The following KCNIP4 variants were observed in gnomAD, a reference collection of about 807,000 sequenced individuals.
The protein encoded by KCNIP4 is Kv channel-interacting protein 4.
A neutral mutation model predicts 34.0 loss-of-function variants in KCNIP4; 12 were observed. The observed-to-expected ratio is 0.35, with a 90% CI of 0.23 to 0.57. The LOEUF is 0.57. Among genes scored for constraint, KCNIP4 ranks in the 20% least tolerant of loss-of-function variants. KCNIP4 has a pLI of 0.83. For missense variants in KCNIP4, 238 were observed against 311.7 expected (o/e 0.76, Z 1.78); for synonymous variants, 124 against 102.2 (o/e 1.21, Z -1.29).
intron 1 of KCNIP4, chr4:21,697,701 C>A: frequency 8.1e-7 from 1 of 1,236,164 alleles, no homozygotes; most frequent in Admixed American, 4.5e-5. Context: ...TCTGTGGCAA[C>A]AGACAGGCTG....
intron 1 of KCNIP4, among the ~76,000 whole-genome samples, chr4:21,425,785 C>A (rs1429101520): frequency 6.6e-6 from 1 of 152,136 alleles, no homozygotes; most frequent in Non-Finnish European, 1.5e-5. Flanking sequence ...CATGGTGACT[C>A]CCGTCTGTAA....
intron 2 of KCNIP4, among the ~76,000 whole-genome samples, chr4:20,861,324 C>T (rs1722172077): frequency 1.3e-5 from 2 of 152,118 alleles, no homozygotes; most frequent in South Asian, 4.1e-4. Flanking sequence ...TACTATTCAC[C>T]CATCCACCTA....
intron 1 of KCNIP4, among the ~76,000 whole-genome samples, chr4:21,761,383 T>C (rs562170299): frequency 6.6e-6 from 1 of 152,262 alleles, no homozygotes; most frequent in South Asian, 2.1e-4. Flanking sequence ...ATTCAAATAA[T>C]CTAAAATTTG....
At chr4:21,438,959 G>A (rs974824424) in intron 1 of KCNIP4, among the ~76,000 whole-genome samples, 1 of 152,014 alleles carries the variant, frequency 6.6e-6, no homozygotes, top group Non-Finnish European at 1.5e-5. Context: ...TCAGGAGATC[G>A]AGACCATCCT....
chr4:21,139,320 G>C (rs1171381889), intron 1 of KCNIP4, among the ~76,000 whole-genome samples: 1 of 152,206 alleles, frequency 6.6e-6, no homozygotes, highest in East Asian at 1.9e-4. Context: ...GTAAACAAAA[G>C]TAAGCACCTC....
chr4:21,750,655 C>T (rs1717093118), intron 1 of KCNIP4, among the ~76,000 whole-genome samples: 1 of 152,156 alleles, frequency 6.6e-6, no homozygotes, highest in Admixed American at 6.6e-5. Flanking sequence ...TATATATCAT[C>T]CTAATCTAAT....
At chr4:20,732,543 T>A (rs1748573753) in intron 7 of KCNIP4, 138 bp downstream of exon 7, 4 of 665,750 alleles carry the variant, frequency 6.0e-6, no homozygotes, top group Non-Finnish European at 1.1e-5. Flanking sequence ...GCTATTAAAT[T>A]AATAGGATGC....
At chr4:21,574,709 C>G (rs1251386180) in intron 1 of KCNIP4, among the ~76,000 whole-genome samples, 2 of 151,986 alleles carry the variant, frequency 1.3e-5, no homozygotes, top group Admixed American at 6.6e-5. Flanking sequence ...TAATATGAAC[C>G]AAGACTAACA....
At chr4:21,405,889 G>T (rs368256472) in intron 1 of KCNIP4, among the ~76,000 whole-genome samples, 3 of 152,180 alleles carry the variant, frequency 2.0e-5, no homozygotes, top group East Asian at 1.9e-4. Context: ...ATGCTAGAGC[G>T]CAATGGCGCG....
At chr4:21,824,669 G>A (rs1250099611) in intron 1 of KCNIP4, among the ~76,000 whole-genome samples, 1 of 152,096 alleles carries the variant, frequency 6.6e-6, no homozygotes, top group African/African-American at 2.4e-5. Context: ...AGTCTTATTT[G>A]AGTAATAAAA....
intron 1 of KCNIP4, among the ~76,000 whole-genome samples, chr4:20,997,304 C>A (rs1249049587): frequency 6.6e-6 from 1 of 152,094 alleles, no homozygotes; most frequent in East Asian, 1.9e-4. Context: ...TATCAGTGGG[C>A]AGAAAGGGAC....
intron 1 of KCNIP4, among the ~76,000 whole-genome samples, chr4:20,914,091 AG>A (rs1728584348): frequency 3.3e-5 from 5 of 151,936 alleles, no homozygotes; most frequent in Admixed American, 3.3e-4. Context: ...CGGGAGGAGG[AG>A]GTTGCAGTCA....
intron 1 of KCNIP4, among the ~76,000 whole-genome samples, chr4:21,910,200 G>A (rs993741963): frequency 1.3e-5 from 2 of 152,026 alleles, no homozygotes; most frequent in Non-Finnish European, 2.9e-5. Flanking sequence ...ATGAGGTCAG[G>A]TAATATCCAA....
chr4:21,166,468 T>C (rs1006278503), intron 1 of KCNIP4, among the ~76,000 whole-genome samples: 65 of 152,142 alleles, frequency 4.3e-4, no homozygotes, highest in African/African-American at 1.6e-3. Flanking sequence ...GGTAAAGTAG[T>C]TTATCTGTCT....
In KCNIP4 at chr4:21,619,323, T is replaced by A. The variant is rs530431231; in HGVS notation, c.61+329248A>T. On this transcript the variant is annotated intron_variant, in intron 1 of 8. Coordinates refer to ENST00000382152, the MANE Select transcript of KCNIP4 (RefSeq NM_025221.6). ...ATGATTATCAACTGAAATATTTGAA[T>A]GTAGAAATAGCTTTTTAAAAAATTA... Among the ~76,000 whole-genome samples the A allele has an allele frequency of 8.2e-4, 125 of 152,342 alleles. 1 individual carries two copies. The highest frequency in any genetic ancestry group is 3.4e-3 in the Middle Eastern group (1 of 294).
At chr4:21,879,050 C>G (rs1038079265) in intron 1 of KCNIP4, among the ~76,000 whole-genome samples, 1 of 152,122 alleles carries the variant, frequency 6.6e-6, no homozygotes, top group African/African-American at 2.4e-5. Flanking sequence ...GTGCTGCCTA[C>G]ATTTTTGGGT....
chr4:21,762,818 G>A (rs899564025), intron 1 of KCNIP4: 6 of 682,442 alleles, frequency 8.8e-6, no homozygotes, highest in Middle Eastern at 5.8e-4. Context: ...CTGAATAAAT[G>A]TTCACATGAA....
At chr4:21,229,955 T>C (rs1008659755) in intron 1 of KCNIP4, among the ~76,000 whole-genome samples, 2 of 152,178 alleles carry the variant, frequency 1.3e-5, no homozygotes, top group Admixed American at 6.5e-5. Context: ...TTGGGTTAAA[T>C]AGTGTCCACC....
intron 1 of KCNIP4, among the ~76,000 whole-genome samples, chr4:20,950,140 A>AT (rs1361882847): frequency 2.6e-5 from 4 of 151,296 alleles, no homozygotes; most frequent in African/African-American, 9.7e-5. Context: ...TTAAAAAAAA[A>AT]AAAAAGAAAA....
Sources: allele counts gnomAD v4.1 joint callset (sites outside exome capture counted in the v4.1 genomes callset), GRCh38; gene constraint gnomAD v4.1.1; transcripts MANE v1.5; gene names NCBI Gene and HGNC (gene_info 2026-07-23, HGNC 2026-07-21).